DLGAP4: variants seen among roughly 807,000 people sequenced by gnomAD.
DLGAP4 encodes disks large-associated protein 4.
Under a neutral mutation model 86.9 loss-of-function variants are expected in DLGAP4, and 18 were observed. That is an observed-to-expected ratio of 0.21 (90% CI 0.14 to 0.31). The LOEUF (loss-of-function observed/expected upper bound fraction) is 0.31. Ranked by LOEUF, DLGAP4 falls within the 10% of genes least tolerant of loss-of-function variation. The pLI, the probability that DLGAP4 is intolerant of heterozygous loss-of-function variation, is 1.00. For missense variants in DLGAP4, 1,085 were observed against 1,362.6 expected (o/e 0.80, Z 3.21); for synonymous variants, 548 against 574.3 (o/e 0.95, Z 0.65).
chr20:36,356,532 G>A (rs1011068657), intron 1 of DLGAP4, among the ~76,000 whole-genome samples: 2 of 151,986 alleles, frequency 1.3e-5, no homozygotes, highest in African/African-American at 4.8e-5. Flanking sequence ...TGCTGGTCTC[G>A]AACTCCTGAC....
intron 8 of DLGAP4, chr20:36,497,804 G>A (rs73618588): frequency 0.058 from 10,926 of 188,276 alleles, 376 homozygotes; most frequent in East Asian, 0.1. Context: ...GCATGCACCC[G>A]ATGTCAATAA....
intron 7 of DLGAP4, among the ~76,000 whole-genome samples, chr20:36,467,046 C>G (rs945021474): frequency 7.5e-6 from 1 of 133,374 alleles, no homozygotes; most frequent in East Asian, 2.0e-4. Flanking sequence ...CTCTCTCTCT[C>G]TCTCTCTCTC....
intron 7 of DLGAP4, among the ~76,000 whole-genome samples, chr20:36,457,505 T>C (rs1432307356): frequency 6.6e-6 from 1 of 151,744 alleles, no homozygotes; most frequent in Non-Finnish European, 1.5e-5. Context: ...TTCAGCCTCC[T>C]GAGTAGCTGG....
At chr20:36,454,258 CAA>C (rs11436010) in intron 7 of DLGAP4, among the ~76,000 whole-genome samples, 2 of 135,992 alleles carry the variant, frequency 1.5e-5, no homozygotes, top group Non-Finnish European at 3.1e-5. Flanking sequence ...GACTCTGTCT[CAA>C]AAAAAAAAAA....
chr20:36,460,709 G>T (rs2034003818), intron 7 of DLGAP4, among the ~76,000 whole-genome samples: 1 of 152,228 alleles, frequency 6.6e-6, no homozygotes, highest in Non-Finnish European at 1.5e-5. Flanking sequence ...GACTCGCGGG[G>T]TAGAAGCCAG....
At chr20:36,450,677 C>T (rs2033713971) in intron 7 of DLGAP4, among the ~76,000 whole-genome samples, 1 of 152,150 alleles carries the variant, frequency 6.6e-6, no homozygotes. Context: ...TGGCTTCTGT[C>T]GAACAATTGA....
In DLGAP4 at chr20:36,393,983, C is replaced by T. The variant is rs2031866161; in HGVS notation, c.-73+26708C>T. The stretch of plus-strand genomic sequence containing the variant: ...AGGTGGCCTTCACAGGGTGCCCCCT[C>T]CCTCCTCCATGCCGCACTGGCCTGC... On this transcript the variant is annotated intron_variant, in intron 2 of 12. Transcript: ENST00000339266. This position sits in a 1 kb window ranked among gnomAD's most constrained non-coding sequence, Gnocchi z 4.4. 6.6e-6 allele frequency among the ~76,000 whole-genome samples: 1 copy of T among 152,194 alleles called. No homozygotes were observed. Among genetic ancestry groups the T allele is most frequent in the Non-Finnish European group, 1.5e-5 (1 of 68,022 alleles).
At chr20:36,332,530 C>T (rs1156742514) in intron 1 of DLGAP4, among the ~76,000 whole-genome samples, 1 of 151,994 alleles carries the variant, frequency 6.6e-6, no homozygotes, top group African/African-American at 2.4e-5. Flanking sequence ...GCTGGGACTA[C>T]AGGCGCCCGC....
intron 2 of DLGAP4, among the ~76,000 whole-genome samples, chr20:36,414,561 G>A (rs1436851435): frequency 1.3e-5 from 2 of 152,230 alleles, no homozygotes; most frequent in African/African-American, 4.8e-5. Flanking sequence ...GGAGAACTGA[G>A]CCCTCCACCT....
At chr20:36,361,172 G>A (rs137995468) in intron 1 of DLGAP4, among the ~76,000 whole-genome samples, 105 of 152,268 alleles carry the variant, frequency 6.9e-4, no homozygotes, top group African/African-American at 2.4e-3. Context: ...CTTGCGGAGA[G>A]GAGAAACAAG....
intron 1 of DLGAP4, among the ~76,000 whole-genome samples, chr20:36,321,337 G>A (rs576824420): frequency 6.6e-6 from 1 of 152,380 alleles, no homozygotes; most frequent in South Asian, 2.1e-4. Flanking sequence ...CAGGGATGGG[G>A]TCTTTCAGAG....
chr20:36,382,543 T>C (rs1479405627), intron 2 of DLGAP4, among the ~76,000 whole-genome samples: 3 of 143,622 alleles, frequency 2.1e-5, no homozygotes, highest in African/African-American at 7.8e-5. Flanking sequence ...TTTTTTTTTT[T>C]TTTTGAGACA....
chr20:36,500,355 C>T lies in DLGAP4; in HGVS notation c.2256C>T (p.Ala752=), dbSNP rs1377164172. The T allele has an allele frequency of 6.2e-7, 1 of 1,612,940 alleles. No individual in the cohort carries two copies. The highest frequency in any genetic ancestry group is 1.1e-5 in the South Asian group (1 of 90,860). The change falls in exon 10 of 13, where the codon GCC becomes GCT. Residue 752 remains alanine (A), a synonymous_variant. Coordinates refer to ENST00000339266, the MANE Select transcript of DLGAP4 (RefSeq NM_001365621.2). This position sits in a 1 kb window ranked among gnomAD's most constrained non-coding sequence, Gnocchi z 4.6. ...GCATCGATGCCGGTCCCCGGCAGGC[C>T]CCCAAGATTGCCCAGATCAAGCGCA... ...SISIDAGPRQ[A]PKIAQIKRNL...
intron 1 of DLGAP4, among the ~76,000 whole-genome samples, chr20:36,327,790 A>G (rs1351851605): frequency 6.1e-5 from 9 of 146,642 alleles, no homozygotes; most frequent in Non-Finnish European, 1.2e-4. Flanking sequence ...ACGGGGTTTC[A>G]CCGTTTTAGC....
chr20:36,414,279 G>A (rs1353380184), intron 2 of DLGAP4, among the ~76,000 whole-genome samples: 2 of 152,252 alleles, frequency 1.3e-5, no homozygotes, highest in African/African-American at 4.8e-5. Flanking sequence ...TGGGAAGGCG[G>A]AAAGATGAGT....
intron 2 of DLGAP4, among the ~76,000 whole-genome samples, chr20:36,417,154 T>C (rs1383285921): frequency 6.6e-6 from 1 of 152,106 alleles, no homozygotes; most frequent in Non-Finnish European, 1.5e-5. Flanking sequence ...AGGTGACTTC[T>C]AGACACAGGG....
chr20:36,378,761 G>A (rs1394984310), intron 2 of DLGAP4, among the ~76,000 whole-genome samples: 2 of 152,082 alleles, frequency 1.3e-5, no homozygotes, highest in Non-Finnish European at 2.9e-5. Context: ...AGGCCTGGCT[G>A]GAGGCAGAGT....
chr20:36,321,373 G>A (rs916494765), intron 1 of DLGAP4, among the ~76,000 whole-genome samples: 1 of 152,260 alleles, frequency 6.6e-6, no homozygotes, highest in East Asian at 1.9e-4. Context: ...TGAGGGCCTC[G>A]GCTGCCCCAT....
chr20:36,436,634 T>C (rs536740257), intron 4 of DLGAP4, among the ~76,000 whole-genome samples: 2 of 152,204 alleles, frequency 1.3e-5, no homozygotes, highest in Non-Finnish European at 2.9e-5. Flanking sequence ...ATAGCCAACA[T>C]GGGGAAACCC....
Sources: allele counts gnomAD v4.1 joint callset (sites outside exome capture counted in the v4.1 genomes callset), GRCh38; gene constraint gnomAD v4.1.1; non-coding constraint Gnocchi (gnomAD v3.1); transcripts MANE v1.5; gene names NCBI Gene and HGNC (gene_info 2026-07-23, HGNC 2026-07-21).